The following SH3BGRL variants were observed in gnomAD, a reference collection of about 807,000 sequenced individuals.
The protein encoded by SH3BGRL is adapter SH3BGRL.
Under a neutral mutation model 9.8 loss-of-function variants are expected in SH3BGRL, and 7 were observed. That is an observed-to-expected ratio of 0.72 (90% CI 0.41 to 1.35). SH3BGRL has a LOEUF of 1.35. Ranked by LOEUF, SH3BGRL falls within the 40% of genes most tolerant of loss-of-function variation. The pLI is 0.01. For missense variants in SH3BGRL, 73 were observed against 84.4 expected, an observed-to-expected ratio of 0.86 and a Z score of 0.53; for synonymous variants, 36 against 29.1, an observed-to-expected ratio of 1.24 and a Z score of -0.76.
At chrX:81,288,373 T>C (rs1442714043) in intron 3 of SH3BGRL, among the ~76,000 whole-genome samples, 2 of 112,192 alleles carry the variant, frequency 1.8e-5, no homozygotes, top group Admixed American at 1.9e-4. Context: ...CTATAAGATA[T>C]GGAGCACTAC....
chrX:81,237,076 C>A, intron 1 of SH3BGRL: 2 of 918,910 alleles, frequency 2.2e-6, no homozygotes, highest in South Asian at 4.4e-5. Flanking sequence ...AGAGAAAAGT[C>A]AAGTAATGTT....
At chrX:81,277,916 C>T (rs2075803469) in intron 2 of SH3BGRL, among the ~76,000 whole-genome samples, 1 of 111,840 alleles carries the variant, frequency 8.9e-6, no homozygotes, top group African/African-American at 3.3e-5. Context: ...TCTCTCTGTC[C>T]CCAAGGAGGT....
At chrX:81,215,246 G>A (rs778902399) in intron 1 of SH3BGRL, among the ~76,000 whole-genome samples, 8 of 110,405 alleles carry the variant, frequency 7.2e-5, no homozygotes, top group East Asian at 2.9e-4. Context: ...TAACTTGATC[G>A]TATGTGCACA....
chrX:81,287,867 A>C (rs1177280225), intron 3 of SH3BGRL, among the ~76,000 whole-genome samples: 1 of 109,907 alleles, frequency 9.1e-6, no homozygotes, highest in Admixed American at 9.7e-5. Context: ...AGGAACGAAT[A>C]GTTCCAAAAT....
chrX:81,203,734 CCTT>C (rs1359663016), intron 1 of SH3BGRL, among the ~76,000 whole-genome samples: 1 of 111,645 alleles, frequency 9.0e-6, no homozygotes, highest in African/African-American at 3.3e-5. Context: ...TTCCTCTACC[CCTT>C]CTTTAAAAGT....
At chrX:81,297,078 T>G in intron 3 of SH3BGRL, 117 bp from the exon 4 acceptor site, 1 of 502,806 alleles carries the variant, frequency 2.0e-6, no homozygotes, top group Non-Finnish European at 3.2e-6. Flanking sequence ...AAGAAATCTC[T>G]TCTGGGGGCT....
intron 1 of SH3BGRL, among the ~76,000 whole-genome samples, chrX:81,265,836 G>A (rs1474929598): frequency 8.9e-6 from 1 of 112,008 alleles, no homozygotes; most frequent in Non-Finnish European, 1.9e-5. Flanking sequence ...CAGAGTAAAA[G>A]CATTCCTATT....
chrX:81,293,945 C>G (rs766971163), intron 3 of SH3BGRL, among the ~76,000 whole-genome samples: 2 of 111,417 alleles, frequency 1.8e-5, no homozygotes, highest in East Asian at 5.7e-4. Context: ...GCATTTTGCC[C>G]CTGCCCTAGG....
chrX:81,202,574 C>T (rs1265657642), intron 1 of SH3BGRL: 16 of 826,986 alleles, frequency 1.9e-5, no homozygotes, highest in Non-Finnish European at 2.3e-5. Context: ...AAATCGCACA[C>T]TGGTGAGTTT....
At chrX:81,233,112 A>G (rs751536361) in intron 1 of SH3BGRL, among the ~76,000 whole-genome samples, 16 of 111,607 alleles carry the variant, frequency 1.4e-4, no homozygotes, top group African/African-American at 5.2e-4. Context: ...GAAAGTGGAA[A>G]TCTTCTATAA....
intron 1 of SH3BGRL, among the ~76,000 whole-genome samples, chrX:81,265,826 C>A (rs1407190266): frequency 1.8e-5 from 2 of 112,221 alleles, no homozygotes; most frequent in African/African-American, 3.2e-5. Context: ...CTCCCACCAA[C>A]AGAGTAAAAG....
chrX:81,270,793 A>C (rs752509821), intron 1 of SH3BGRL, among the ~76,000 whole-genome samples: 23 of 112,130 alleles, frequency 2.1e-4, no homozygotes, highest in Non-Finnish European at 3.6e-4. Context: ...AGTCTGGAGA[A>C]GCTGTCAGCC....
At chrX:81,281,283 A>C in intron 3 of SH3BGRL, among the ~76,000 whole-genome samples, 1 of 111,504 alleles carries the variant, frequency 9.0e-6, no homozygotes, top group Non-Finnish European at 1.9e-5. Context: ...TCCCTGGCCT[A>C]GCTAGATATA....
At chrX:81,202,678 G>A in intron 1 of SH3BGRL, 1 of 456,068 alleles carries the variant, frequency 2.2e-6, no homozygotes, top group African/African-American at 2.6e-5. Context: ...TGTAACTGGT[G>A]GGGATTGAGT....
chrX:81,217,891 T>C (rs760031041), intron 1 of SH3BGRL, among the ~76,000 whole-genome samples: 17 of 110,885 alleles, frequency 1.5e-4, no homozygotes, highest in Non-Finnish European at 2.8e-4. Context: ...GTGTCTCATT[T>C]CTTAGGTCTA....
chrX:81,220,768 T>G (rs889140259), intron 1 of SH3BGRL, among the ~76,000 whole-genome samples: 16 of 110,951 alleles, frequency 1.4e-4, no homozygotes, highest in Admixed American at 3.9e-4. Context: ...TAAACTTTTA[T>G]TTTTTACTAT....
chrX:81,279,427 A>G (rs1006056594), intron 3 of SH3BGRL, among the ~76,000 whole-genome samples: 36 of 111,111 alleles, frequency 3.2e-4, no homozygotes, highest in African/African-American at 1.2e-3. Flanking sequence ...AGAACAAACC[A>G]GCAATCCTGA....
intron 1 of SH3BGRL, among the ~76,000 whole-genome samples, chrX:81,272,661 G>A (rs747442590): frequency 9.1e-6 from 1 of 109,372 alleles, no homozygotes; most frequent in South Asian, 4.1e-4. Flanking sequence ...CACCACGCCC[G>A]GCTAATTTTT....
chrX:81,285,366 A>G (rs1056772059), intron 3 of SH3BGRL, among the ~76,000 whole-genome samples: 1 of 111,944 alleles, frequency 8.9e-6, no homozygotes, highest in African/African-American at 3.2e-5. Flanking sequence ...AACAGTTGCT[A>G]TAATACGTTA....
Sources: allele counts gnomAD v4.1 joint callset (sites outside exome capture counted in the v4.1 genomes callset), GRCh38; gene constraint gnomAD v4.1.1; transcripts MANE v1.5; gene names NCBI Gene and HGNC (gene_info 2026-07-23, HGNC 2026-07-21).